Variants in COBL observed in about 807,000 individuals in gnomAD.
The protein encoded by COBL is cordon-bleu WH2 repeat protein, also known as protein cordon-bleu.
In COBL, 51 loss-of-function variants were observed where a neutral mutation model predicts 98.8. The observed-to-expected ratio is 0.52, with a 90% CI of 0.41 to 0.65. The LOEUF (loss-of-function observed/expected upper bound fraction) is 0.65, where lower values mean the gene tolerates loss of function less well. COBL is among the 30% of genes least tolerant of loss of function. COBL has a pLI of 0.00. For missense variants in COBL, 1,617 were observed against 1,617.5 expected (o/e 1.00, Z 0.01); for synonymous variants, 634 against 651.7 (o/e 0.97, Z 0.41).
At chr7:51,088,867 G>A (rs895614692) in intron 6 of COBL, among the ~76,000 whole-genome samples, 3 of 152,168 alleles carry the variant, frequency 2.0e-5, no homozygotes, top group African/African-American at 4.8e-5. Flanking sequence ...GAGTACTCTG[G>A]TGAGAGGGCC....
At chr7:51,211,920 G>C (rs1436112341) in intron 2 of COBL, among the ~76,000 whole-genome samples, 1 of 151,920 alleles carries the variant, frequency 6.6e-6, no homozygotes, top group East Asian at 1.9e-4. Flanking sequence ...TCTACATTCA[G>C]GTTAAATCTC....
chr7:51,275,608 ACCG>A (rs1470002078), intron 1 of COBL, among the ~76,000 whole-genome samples: 4 of 150,870 alleles, frequency 2.7e-5, no homozygotes, highest in African/African-American at 9.7e-5. Context: ...CACCACCACC[ACCG>A]CCACTGGCAT....
At chr7:51,090,844 A>G (rs1298883377) in intron 6 of COBL, among the ~76,000 whole-genome samples, 2 of 152,270 alleles carry the variant, frequency 1.3e-5, no homozygotes, top group East Asian at 3.8e-4. Flanking sequence ...GCTTTAGAAA[A>G]TAAGAGAGCT....
chr7:51,284,378 G>A (rs897536486), intron 1 of COBL, among the ~76,000 whole-genome samples: 1 of 151,808 alleles, frequency 6.6e-6, no homozygotes, highest in African/African-American at 2.4e-5. Flanking sequence ...TTCAATATTT[G>A]AAAATCAGTT....
chr7:51,068,044 T>A (rs1286985925), intron 7 of COBL, among the ~76,000 whole-genome samples: 1 of 152,236 alleles, frequency 6.6e-6, no homozygotes, highest in Non-Finnish European at 1.5e-5. Flanking sequence ...GCCTGGCAGC[T>A]GGGCTCCTGA....
At chr7:51,097,047 C>A (rs1371821229) in intron 6 of COBL, among the ~76,000 whole-genome samples, 3 of 152,114 alleles carry the variant, frequency 2.0e-5, no homozygotes, top group Non-Finnish European at 2.9e-5. Flanking sequence ...AAGAAAATTA[C>A]AGACCAGTAT....
chr7:51,174,755 TC>T (rs1318345438), intron 5 of COBL, among the ~76,000 whole-genome samples: 1 of 152,182 alleles, frequency 6.6e-6, no homozygotes, highest in Non-Finnish European at 1.5e-5. Context: ...CCACTCCTTG[TC>T]CCCCTTTGCC....
intron 1 of COBL, among the ~76,000 whole-genome samples, chr7:51,289,894 T>G (rs1800724796): frequency 6.6e-6 from 1 of 152,236 alleles, no homozygotes; most frequent in Non-Finnish European, 1.5e-5. Flanking sequence ...GACACAGATT[T>G]GCTTTCATGG....
intron 6 of COBL, among the ~76,000 whole-genome samples, chr7:51,134,767 C>T (rs1340514194): frequency 6.6e-6 from 1 of 152,108 alleles, no homozygotes; most frequent in Non-Finnish European, 1.5e-5. Flanking sequence ...TACATCCAAG[C>T]AAATTAATGA....
At chr7:51,166,803 T>A (rs1410954786) in intron 5 of COBL, among the ~76,000 whole-genome samples, 2 of 152,108 alleles carry the variant, frequency 1.3e-5, no homozygotes, top group Non-Finnish European at 2.9e-5. Context: ...GTTCAACATA[T>A]GCAAATCAAT....
chr7:51,016,800 C>T lies in COBL; in HGVS notation c.*751G>A, dbSNP rs1304622235. ...CTGGGGAATGGCTGTCCATGTGGGG[C>T]ACTGCCCATCCACTCCAGTGGTGGT... On this transcript the variant is annotated 3_prime_UTR_variant, in exon 13 of 13. Coordinates refer to ENST00000265136, the MANE Select transcript of COBL (RefSeq NM_015198.5). The T allele has an allele frequency of 2.5e-5, 10 of 397,234 alleles. No homozygotes were observed. The highest frequency in any genetic ancestry group is 4.4e-5 in the Non-Finnish European group (10 of 225,834). The allele number at this position is 397,234 out of a possible 1,614,324, so 24.6% of individuals were successfully genotyped here. A position where few individuals can be genotyped will look rare whatever the true frequency, so the allele number is the denominator to read the frequency against.
intron 1 of COBL, among the ~76,000 whole-genome samples, chr7:51,283,030 G>A (rs890698213): frequency 2.2e-4 from 34 of 152,116 alleles, no homozygotes; most frequent in Non-Finnish European, 4.0e-4. Flanking sequence ...ATAAAGAAGT[G>A]CTTAGAAGGA....
At chr7:51,178,857 C>T (rs1032968186) in intron 5 of COBL, among the ~76,000 whole-genome samples, 3 of 152,186 alleles carry the variant, frequency 2.0e-5, no homozygotes, top group Non-Finnish European at 4.4e-5. Context: ...GATCCACCCG[C>T]CTTGGCCTCC....
chr7:51,240,795 G>C (rs939763659), intron 1 of COBL, among the ~76,000 whole-genome samples: 1 of 152,046 alleles, frequency 6.6e-6, no homozygotes, highest in African/African-American at 2.4e-5. Flanking sequence ...TACCCACCTC[G>C]GCTTCCCAAA....
chr7:51,118,302 C>T (rs1018558193), intron 6 of COBL, among the ~76,000 whole-genome samples: 8 of 151,974 alleles, frequency 5.3e-5, no homozygotes, highest in Non-Finnish European at 8.8e-5. Context: ...ATGGCTTAGC[C>T]GGGTCCTCTG....
intron 1 of COBL, among the ~76,000 whole-genome samples, chr7:51,268,053 G>A (rs900042064): frequency 6.6e-6 from 1 of 152,178 alleles, no homozygotes; most frequent in Non-Finnish European, 1.5e-5. Flanking sequence ...TGGTGGTAGA[G>A]ATGAGGACTG....
intron 6 of COBL, among the ~76,000 whole-genome samples, chr7:51,089,796 C>T (rs1794643385): frequency 6.6e-6 from 1 of 151,792 alleles, no homozygotes; most frequent in African/African-American, 2.4e-5. Context: ...AGCTAATTAA[C>T]ATATCTATCA....
At chr7:51,037,647 A>G (rs1788772095) in intron 8 of COBL, among the ~76,000 whole-genome samples, 1 of 152,162 alleles carries the variant, frequency 6.6e-6, no homozygotes, top group Admixed American at 6.5e-5. Context: ...ATTCCTGTTC[A>G]GATCTTGGGC....
Position 51,026,579 on chromosome 7 carries a change from G to A in COBL, c.3471C>T (p.Ile1157=), listed in dbSNP as rs1787589502. The A allele has an allele frequency of 6.2e-7, 1 of 1,614,168 alleles. No individual in the cohort carries two copies. The highest frequency in any genetic ancestry group is 1.1e-5 in the South Asian group (1 of 91,088). ...EGERSALLAA[I]RGHSGTCSLR... is the part of the protein sequence containing the mutation. ...GGCTGCAGGTGCCGCTGTGCCCGCG[G>A]ATAGCTGCCAGCAGTGCAGATCGTT... Residue 1157 remains isoleucine (I), a synonymous_variant, in exon 11 of 13, where the codon ATC becomes ATT. Transcript: ENST00000265136.
Sources: allele counts gnomAD v4.1 joint callset (sites outside exome capture counted in the v4.1 genomes callset), GRCh38; gene constraint gnomAD v4.1.1; transcripts MANE v1.5; gene names NCBI Gene and HGNC (gene_info 2026-07-23, HGNC 2026-07-21).